The following CTSS variants were observed in gnomAD, a reference collection of about 807,000 sequenced individuals.
CTSS encodes the protein cathepsin S.
In CTSS, 15 loss-of-function variants were observed where a neutral mutation model predicts 39.9. The ratio of observed to expected loss-of-function variants is 0.38; its 90% CI spans 0.25 to 0.58. The LOEUF (loss-of-function observed/expected upper bound fraction) is 0.58. CTSS is among the 20% of genes least tolerant of loss of function. CTSS has a pLI of 0.70. For synonymous variants in CTSS, 126 were observed against 138.2 expected (o/e 0.91, Z 0.62); for missense variants, 250 against 398.2 (o/e 0.63, Z 3.17).
At chr1:150,752,275 C>T (rs753775509) in intron 4 of CTSS, among the ~76,000 whole-genome samples, 1 of 152,112 alleles carries the variant, frequency 6.6e-6, no homozygotes, top group Non-Finnish European at 1.5e-5. Context: ...TACTTAGAAA[C>T]AATACTCACT....
chr1:150,743,616 ATG>A (rs1652820057), intron 7 of CTSS, among the ~76,000 whole-genome samples: 1 of 88,120 alleles, frequency 1.1e-5, no homozygotes, highest in Non-Finnish European at 2.5e-5. Flanking sequence ...TATATTATAT[ATG>A]TATATTATGT....
rs980355652 is a variant in CTSS at position 150,736,870 on chromosome 1, C to A, written c.897-3725G>T. Among the ~76,000 whole-genome samples the A allele has an allele frequency of 9.2e-5, 14 of 152,104 alleles. 1 individual carries two copies. The highest frequency in any genetic ancestry group is 1.3e-4 in the Admixed American group (2 of 15,256). ...CTCCAAATGTTCATTTCGGTACTTA[C>A]CAAGTTGTATATTTTTATTAATTCT... On this transcript the variant is annotated intron_variant, in intron 7 of 7. Transcript: ENST00000368985.
intron 4 of CTSS, among the ~76,000 whole-genome samples, chr1:150,752,508 TAAAC>T (rs1343476673): frequency 2.6e-5 from 4 of 152,274 alleles, no homozygotes. Flanking sequence ...CAAGGAGGCA[TAAAC>T]AAACAAAAAA....
In CTSS at chr1:150,744,533, CATAATATATTATATATT is replaced by C. The variant is rs1262837996; in HGVS notation, c.896+3227_896+3243del. ...ATATATTATATGTATATTATGTATACATAATATATTATATATTATATATGTATATTATGTATACATAA... is the reference window on the plus strand; with the variant it reads ...ATATATTATATGTATATTATGTATACATATATGTATATTATGTATACATAA... On this transcript the variant is annotated intron_variant, in intron 7 of 7. Coordinates refer to ENST00000368985, the MANE Select transcript of CTSS (RefSeq NM_004079.5). Among the ~76,000 whole-genome samples, 33 of 96,992 alleles carry C rather than the reference CATAATATATTATATATT, an allele frequency of 3.4e-4. 1 individual carries two copies. Among genetic ancestry groups the C allele is most frequent in the African/African-American group, 1.4e-3 (33 of 23,694 alleles). 63.6% of individuals were successfully genotyped at this position (96,992 alleles called of 152,430 possible).
At chr1:150,762,915 T>C (rs1343393668) in intron 2 of CTSS, among the ~76,000 whole-genome samples, 1 of 152,144 alleles carries the variant, frequency 6.6e-6, no homozygotes, top group African/African-American at 2.4e-5. Context: ...CAATCTCACT[T>C]CTGGGTATAT....
chr1:150,758,091 C>T (rs1005421485), intron 2 of CTSS, 111 bp from the exon 3 acceptor site: 2 of 1,010,022 alleles, frequency 2.0e-6, no homozygotes, highest in African/African-American at 1.6e-5. Flanking sequence ...ACTCTGTCAC[C>T]CAAGCTGGAG....
Position 150,754,914 on chromosome 1 carries a change from G to GT in CTSS, c.399+86dup, listed in dbSNP as rs1653085554. ...TAACTAGAAAGTAACACGTGGGACT[G>GT]TAAGATTCACTGTCAAATTCTGTAG... On this transcript the variant is annotated intron_variant, in intron 4 of 7. Coordinates refer to ENST00000368985, the MANE Select transcript of CTSS (RefSeq NM_004079.5). The GT allele has an allele frequency of 1.1e-5, 15 of 1,397,468 alleles. No individual in the cohort carries two copies. In the South Asian group the frequency reaches 1.8e-4, roughly 17 times the overall value. The allele number at this position is 1,397,468 out of a possible 1,614,324, so 86.6% of individuals were successfully genotyped here.
chr1:150,753,665 G>A (rs1160155628), intron 4 of CTSS, among the ~76,000 whole-genome samples: 1 of 152,182 alleles, frequency 6.6e-6, no homozygotes, highest in Non-Finnish European at 1.5e-5. Flanking sequence ...AAAGCACTGT[G>A]GGGGCTGAAC....
chr1:150,733,367 G>T (rs1652565668), intron 7 of CTSS, among the ~76,000 whole-genome samples: 1 of 152,104 alleles, frequency 6.6e-6, no homozygotes. Flanking sequence ...TAATACCTAA[G>T]GAAAACTATA....
At chr1:150,738,692 T>C (rs919967900) in intron 7 of CTSS, among the ~76,000 whole-genome samples, 1 of 152,118 alleles carries the variant, frequency 6.6e-6, no homozygotes, top group African/African-American at 2.4e-5. Context: ...TCTTGCTATG[T>C]TGCCCAAGCT....
chr1:150,752,037 A>T (rs1200975552), intron 4 of CTSS, 29 bp from the exon 5 acceptor site: 2 of 1,606,596 alleles, frequency 1.2e-6, no homozygotes, highest in African/African-American at 1.3e-5. Context: ...CACAAACGCA[A>T]ATCACAGAAA....
chr1:150,750,662 G>T (rs1320575210), intron 5 of CTSS, among the ~76,000 whole-genome samples: 1 of 151,908 alleles, frequency 6.6e-6, no homozygotes, highest in Non-Finnish European at 1.5e-5. Context: ...TTTGAGATAG[G>T]CTCTCACTCC....
At chr1:150,740,023 C>T (rs376093844) in intron 7 of CTSS, among the ~76,000 whole-genome samples, 3 of 152,208 alleles carry the variant, frequency 2.0e-5, no homozygotes, top group African/African-American at 4.8e-5. Flanking sequence ...CCTTGAGGGA[C>T]GGTAGAAGAG....
chr1:150,760,917 A>G (rs1238214039), intron 2 of CTSS, among the ~76,000 whole-genome samples: 1 of 151,654 alleles, frequency 6.6e-6, no homozygotes, highest in Non-Finnish European at 1.5e-5. Flanking sequence ...AAGGCGGCTT[A>G]TGCTTGTAAT....
Position 150,732,676 on chromosome 1 carries a change from T to G in CTSS, c.*370A>C, listed in dbSNP as rs1227654650. On this transcript the variant is annotated 3_prime_UTR_variant, in exon 8 of 8. Transcript: ENST00000368985. ...CAGGCTGGAGTACAGTGGTGTGATC[T>G]CAGCTCAACATAGCCTCAACCTCTT... is the stretch of plus-strand genomic sequence containing the variant. 1 of 160,952 alleles carries G rather than the reference T, an allele frequency of 6.2e-6. No homozygotes were observed. Among genetic ancestry groups the G allele is most frequent in the Non-Finnish European group, 1.4e-5 (1 of 73,834 alleles). The allele number at this position is 160,952 out of a possible 1,614,324, so 10.0% of individuals were successfully genotyped here.
chr1:150,761,585 C>T (rs1653264940), intron 2 of CTSS, among the ~76,000 whole-genome samples: 1 of 150,746 alleles, frequency 6.6e-6, no homozygotes, highest in African/African-American at 2.4e-5. Flanking sequence ...TACAAAATTA[C>T]CCGGGCGTGG....
chr1:150,747,717 A>G, intron 7 of CTSS, 60 bp downstream of exon 7: 2 of 1,049,088 alleles, frequency 1.9e-6, no homozygotes, highest in Admixed American at 3.6e-5. Context: ...TCATGAGAGT[A>G]TTTGCTGAAA....
chr1:150,754,719 G>A (rs1422255443), intron 4 of CTSS, among the ~76,000 whole-genome samples: 1 of 151,972 alleles, frequency 6.6e-6, no homozygotes, highest in Non-Finnish European at 1.5e-5. Context: ...TGAGTGCCTG[G>A]CCTATTTTTT....
intron 7 of CTSS, among the ~76,000 whole-genome samples, chr1:150,743,557 A>G (rs1459190203): frequency 1.5e-5 from 2 of 135,282 alleles, no homozygotes; most frequent in Non-Finnish European, 3.1e-5. Flanking sequence ...AGAGAGATTT[A>G]TATGTATGTA....
Sources: gnomAD v4.1 joint callset for allele counts (sites outside exome capture counted in the v4.1 genomes callset) on GRCh38, gnomAD v4.1.1 for gene constraint, MANE v1.5 for transcripts, NCBI Gene and HGNC (gene_info 2026-07-23, HGNC 2026-07-21) for gene names.